The following LRMDA variants were observed in gnomAD, a reference collection of about 807,000 sequenced individuals.
The protein encoded by LRMDA is leucine-rich melanocyte differentiation-associated protein.
LRMDA carries 18 observed loss-of-function variants against 29.8 expected under a neutral mutation model. The ratio of observed to expected loss-of-function variants is 0.60; its 90% confidence interval spans 0.42 to 0.90. LRMDA has a LOEUF of 0.90. Among genes scored for constraint, LRMDA ranks in the 40% least tolerant of loss-of-function variants. The probability of loss-of-function intolerance (pLI) is 0.00; values close to 1 mark genes in which losing one functional copy is unlikely to be tolerated. For synonymous variants in LRMDA, 125 were observed against 109.4 expected, an observed-to-expected ratio of 1.14 and a Z score of -0.89; for missense variants, 273 against 273.9, an observed-to-expected ratio of 1.00 and a Z score of 0.02.
chr10:75,734,216 GA>G (rs1842732786), intron 2 of LRMDA, among the ~76,000 whole-genome samples: 1 of 151,944 alleles, frequency 6.6e-6, no homozygotes. Context: ...GGATATGCAA[GA>G]AAAAAATTAA....
At chr10:75,617,665 G>A (rs1356693208) in intron 2 of LRMDA, among the ~76,000 whole-genome samples, 1 of 152,112 alleles carries the variant, frequency 6.6e-6, no homozygotes, top group Non-Finnish European at 1.5e-5. Context: ...CCAAACCATT[G>A]CATCACCTCA....
At chr10:76,313,040 T>C (rs887198330) in intron 5 of LRMDA, among the ~76,000 whole-genome samples, 3 of 152,032 alleles carry the variant, frequency 2.0e-5, no homozygotes, top group African/African-American at 7.2e-5. Flanking sequence ...TTACCTTTAT[T>C]GGGAAGGGAG....
At chr10:76,399,345 A>G (rs1299295256) in intron 6 of LRMDA, among the ~76,000 whole-genome samples, 1 of 152,214 alleles carries the variant, frequency 6.6e-6, no homozygotes, top group African/African-American at 2.4e-5. Flanking sequence ...CAGACATACT[A>G]AAGTTTTTGT....
At chr10:75,574,670 C>T (rs1418530390) in intron 2 of LRMDA, among the ~76,000 whole-genome samples, 1 of 152,154 alleles carries the variant, frequency 6.6e-6, no homozygotes, top group African/African-American at 2.4e-5. Context: ...AGCTCTCTGT[C>T]AGTTTCACAC....
intron 6 of LRMDA, among the ~76,000 whole-genome samples, chr10:76,436,224 C>A (rs185227859): frequency 7.9e-5 from 12 of 152,304 alleles, no homozygotes; most frequent in Admixed American, 7.8e-4. Flanking sequence ...CTCCCGCTTC[C>A]CACAGTGCTC....
chr10:75,940,933 T>C (rs1846380776), intron 2 of LRMDA, among the ~76,000 whole-genome samples: 2 of 152,142 alleles, frequency 1.3e-5, no homozygotes, highest in African/African-American at 4.8e-5. Context: ...GGACTAGTGA[T>C]GTCTGCCTGC....
rs533378068 is a variant in LRMDA at position 75,721,652 on chromosome 10, C to A, written c.131+283158C>A. On this transcript the variant is annotated intron_variant, in intron 2 of 6. Coordinates refer to ENST00000611255, the MANE Select transcript of LRMDA (RefSeq NM_001305581.2). ...GGCTCATCTCTGTGTTCCCCAGCTC[C>A]ATTCCATTATGCACAAAGGTCCTTT... is the stretch of plus-strand genomic sequence containing the variant. 1.5e-4 allele frequency among the ~76,000 whole-genome samples: 23 copies of A among 152,266 alleles called. No homozygotes were observed. The South Asian group carries it at 4.2e-3, about 28-fold the overall frequency.
chr10:76,238,020 A>T (rs1852188870), intron 5 of LRMDA, among the ~76,000 whole-genome samples: 1 of 151,900 alleles, frequency 6.6e-6, no homozygotes, highest in Non-Finnish European at 1.5e-5. Flanking sequence ...TGAACTCCTG[A>T]CCTCAGGTGA....
chr10:76,410,012 C>T (rs1458151150), intron 6 of LRMDA, among the ~76,000 whole-genome samples: 1 of 152,094 alleles, frequency 6.6e-6, no homozygotes, highest in Admixed American at 6.6e-5. Context: ...ACATTGAAGC[C>T]TCGACAACCG....
chr10:75,742,306 G>A (rs1234942286), intron 2 of LRMDA, among the ~76,000 whole-genome samples: 6 of 152,210 alleles, frequency 3.9e-5, no homozygotes, highest in African/African-American at 1.4e-4. Context: ...GGGAGTTGAA[G>A]CAGGCAAAGG....
At chr10:75,776,661 A>G (rs1843315542) in intron 2 of LRMDA, among the ~76,000 whole-genome samples, 1 of 152,236 alleles carries the variant, frequency 6.6e-6, no homozygotes, top group African/African-American at 2.4e-5. Flanking sequence ...TGCATGCTGT[A>G]CATTTTACCC....
intron 5 of LRMDA, among the ~76,000 whole-genome samples, chr10:76,307,441 C>T (rs1419828332): frequency 2.0e-5 from 3 of 152,104 alleles, no homozygotes. Flanking sequence ...CGTCTGCTTT[C>T]GAAGGGGAAT....
At chr10:75,533,420 G>C (rs536036101) in intron 2 of LRMDA, among the ~76,000 whole-genome samples, 2 of 152,286 alleles carry the variant, frequency 1.3e-5, no homozygotes, top group Admixed American at 6.5e-5. Context: ...AGGGAGCCTG[G>C]GAGAGTTTCG....
intron 2 of LRMDA, among the ~76,000 whole-genome samples, chr10:75,664,625 G>A (rs1481673842): frequency 6.6e-6 from 1 of 152,178 alleles, no homozygotes; most frequent in Non-Finnish European, 1.5e-5. Flanking sequence ...ATGAAAAGGT[G>A]ATTCCTAAGC....
intron 2 of LRMDA, among the ~76,000 whole-genome samples, chr10:75,558,564 G>C (rs188503883): frequency 7.7e-4 from 116 of 150,860 alleles, no homozygotes; most frequent in East Asian, 7.4e-3. Context: ...AAGTTTTAGG[G>C]TACATGTGCA....
At chr10:76,391,979 A>G (rs1182870097) in intron 6 of LRMDA, among the ~76,000 whole-genome samples, 1 of 152,144 alleles carries the variant, frequency 6.6e-6, no homozygotes, top group Non-Finnish European at 1.5e-5. Flanking sequence ...ATATTTACCC[A>G]TTGTCTGGGC....
chr10:75,538,501 G>A (rs754697187), intron 2 of LRMDA, among the ~76,000 whole-genome samples: 2 of 152,124 alleles, frequency 1.3e-5, no homozygotes, highest in Non-Finnish European at 2.9e-5. Context: ...ATCTTCACCC[G>A]TAGACTGTTC....
intron 2 of LRMDA, among the ~76,000 whole-genome samples, chr10:75,699,065 G>A (rs768021423): frequency 6.6e-6 from 1 of 152,060 alleles, no homozygotes; most frequent in Non-Finnish European, 1.5e-5. Context: ...GTCAGGTGTG[G>A]TGGTGGGTGC....
At chr10:76,124,741 C>T (rs951353812) in intron 5 of LRMDA, among the ~76,000 whole-genome samples, 1 of 152,234 alleles carries the variant, frequency 6.6e-6, no homozygotes, top group Non-Finnish European at 1.5e-5. Flanking sequence ...ATATTGACTG[C>T]TCCCCACGTC....
Sources: gnomAD v4.1 joint callset for allele counts (sites outside exome capture counted in the v4.1 genomes callset) on GRCh38, gnomAD v4.1.1 for gene constraint, MANE v1.5 for transcripts, NCBI Gene and HGNC (gene_info 2026-07-23, HGNC 2026-07-21) for gene names.